The following CREBBP variants were observed in gnomAD, a reference collection of about 807,000 sequenced individuals.
CREBBP encodes CREB binding lysine acetyltransferase, also known as CREB-binding protein.
CREBBP carries 19 observed loss-of-function variants against 265.0 expected under a neutral mutation model. The observed-to-expected ratio is 0.07, with a 90% CI of 0.05 to 0.11. CREBBP has a LOEUF of 0.11. Ranked by LOEUF, CREBBP falls within the 10% of genes least tolerant of loss-of-function variation. CREBBP has a pLI of 1.00. For synonymous variants in CREBBP, 1,457 were observed against 1,223.7 expected (o/e 1.19, Z -3.98); for missense variants, 2,525 against 3,219.0 (o/e 0.78, Z 5.22).
chr16:3,831,686 T>G (rs1327450194), intron 2 of CREBBP, among the ~76,000 whole-genome samples: 1 of 152,142 alleles, frequency 6.6e-6, no homozygotes, highest in Admixed American at 6.6e-5. Context: ...TTATTATAAA[T>G]TCTATCCAAA....
At chr16:3,849,440 T>TG (rs1567360432) in intron 2 of CREBBP, among the ~76,000 whole-genome samples, 180 of 14,878 alleles carry the variant, frequency 0.012, 8 homozygotes, top group Non-Finnish European at 0.039. Context: ...TGTGTGTGTG[T>TG]GTGTGTGTGT....
At chr16:3,787,339 C>T (rs193249250) in intron 5 of CREBBP, among the ~76,000 whole-genome samples, 41 of 152,328 alleles carry the variant, frequency 2.7e-4, no homozygotes, top group African/African-American at 9.6e-4. Flanking sequence ...GGCGCAGTGA[C>T]ACTGCTCCTT....
At chr16:3,740,222 T>C (rs1596813068) in intron 24 of CREBBP, among the ~76,000 whole-genome samples, 177 bp downstream of exon 24, 1 of 152,348 alleles carries the variant, frequency 6.6e-6, no homozygotes, top group East Asian at 1.9e-4. Flanking sequence ...TACTGCACTG[T>C]ATAGGGTAAC....
chr16:3,774,519 T>A, intron 12 of CREBBP, 50 bp downstream of exon 12: 2 of 1,612,354 alleles, frequency 1.2e-6, no homozygotes, highest in South Asian at 2.2e-5. Flanking sequence ...TAGATAATGT[T>A]CCATGTGAGA....
rs370012973 is a variant in CREBBP at position 3,770,782 on chromosome 16, T to A, written c.2668A>T (p.Thr890Ser). 3.1e-6 allele frequency: 5 copies of A among 1,613,308 alleles called. No individual in the cohort carries two copies. Among genetic ancestry groups the A allele is most frequent in the Non-Finnish European group, 2.5e-6 (3 of 1,179,818 alleles). Residue 890 changes from threonine (T) to serine (S), a missense_variant, in exon 14 of 31, where the codon ACT (threonine) becomes TCT (serine). Coordinates refer to ENST00000262367, the MANE Select transcript of CREBBP (RefSeq NM_004380.3). ...GTCTGCCCGGAAGACGACACAGGAG[T>A]TGATGGCTGAGTGGGAGCTGCTGGC... ...PQPAAPTQPS[T>S]PVSSSGQTPT...
rs780758578 is a variant in CREBBP, at chr16:3,729,122, C to T, written c.5925G>A (p.Val1975=). ...CTGGGGGCATGCTGTTGTTGATGTT[C>T]ACCCGGTACAGGTGCTGCTGCTGCT... ...EAQQQQHLYR[V]NINNSMPPGR... Residue 1975 remains valine (V), a synonymous_variant, in exon 31 of 31, where the codon GTG becomes GTA. Transcript: ENST00000262367. 1.9e-6 allele frequency: 3 copies of T among 1,577,752 alleles called. No homozygotes were observed. Among genetic ancestry groups the T allele is most frequent in the Non-Finnish European group, 1.7e-6 (2 of 1,168,140 alleles).
At chr16:3,778,629 C>T (rs767634474) in intron 9 of CREBBP, 71 bp downstream of exon 9, 42 of 1,244,884 alleles carry the variant, frequency 3.4e-5, no homozygotes, top group Non-Finnish European at 4.5e-5. Flanking sequence ...TTCCAGATAA[C>T]AAAGCAGACA....
At chr16:3,871,974 A>C (rs2055309080) in intron 1 of CREBBP, among the ~76,000 whole-genome samples, 1 of 152,206 alleles carries the variant, frequency 6.6e-6, no homozygotes, top group Non-Finnish European at 1.5e-5. Context: ...ATGTAGAATT[A>C]TTTTCCCCAT....
At position 3,728,694 on chromosome 16, in the gene CREBBP, T is replaced by A; in HGVS notation, c.6353A>T (p.Gln2118Leu). 2 of 1,613,934 alleles carry A rather than the reference T, an allele frequency of 1.2e-6. No homozygotes were observed. The highest frequency in any genetic ancestry group is 1.7e-6 in the Non-Finnish European group (2 of 1,179,962). Residue 2118 changes from glutamine to leucine, a missense_variant, in exon 31 of 31, where the codon CAG (glutamine) becomes CTG (leucine). Coordinates refer to ENST00000262367, the MANE Select transcript of CREBBP (RefSeq NM_004380.3). This position sits in a 1 kb window ranked among gnomAD's most constrained non-coding sequence, Gnocchi z 8.7. ...GCCGGGCTGGGACTGGAGGCCAGGC[T>A]GGGGCTGCATGCCGGGCTGATTGGC... is the stretch of plus-strand genomic sequence containing the variant. ...YVANQPGMQP[Q>L]PGLQSQPGMQ... is the part of the protein sequence containing the mutation.
intron 3 of CREBBP, among the ~76,000 whole-genome samples, chr16:3,795,984 C>G (rs937907233): frequency 2.6e-5 from 4 of 152,166 alleles, no homozygotes; most frequent in African/African-American, 9.7e-5. Context: ...GTTCACAAAT[C>G]AGGACCCCAA....
intron 2 of CREBBP, among the ~76,000 whole-genome samples, chr16:3,834,273 C>T (rs891274657): frequency 3.3e-5 from 5 of 152,102 alleles, no homozygotes; most frequent in Non-Finnish European, 7.4e-5. Flanking sequence ...TGGTATTTAC[C>T]CAAAACAGGT....
At chr16:3,879,509 G>A (rs1361329865) in intron 1 of CREBBP, among the ~76,000 whole-genome samples, 2 of 152,234 alleles carry the variant, frequency 1.3e-5, no homozygotes, top group Non-Finnish European at 2.9e-5. Flanking sequence ...CACGGCCGCG[G>A]ATGGATGCGT....
intron 5 of CREBBP, among the ~76,000 whole-genome samples, chr16:3,788,033 TGAAGCAGTG>T (rs1410603345): frequency 1.3e-5 from 2 of 152,146 alleles, no homozygotes; most frequent in Non-Finnish European, 2.9e-5. Context: ...TGTTGCCAGG[TGAAGCAGTG>T]GGAGCTACAC....
intron 3 of CREBBP, among the ~76,000 whole-genome samples, chr16:3,807,338 T>C (rs560837646): frequency 2.0e-5 from 3 of 152,210 alleles, no homozygotes; most frequent in Non-Finnish European, 4.4e-5. Flanking sequence ...ACTGGAGTCC[T>C]GACTGGGATT....
In CREBBP at chr16:3,854,955, C is replaced by T. The variant is rs550814717; in HGVS notation, c.86-3946G>A. ...TTGCAGACGAAATAACACTGTTCTC[C>T]TAAGTACTTCAGTACGTATCTCCTA... is the stretch of plus-strand genomic sequence containing the variant. On this transcript the variant is annotated intron_variant, in intron 1 of 30. Transcript: ENST00000262367. Among the ~76,000 whole-genome samples the T allele has an allele frequency of 8.5e-5, 13 of 152,310 alleles. No homozygotes were observed. The South Asian group carries it at 2.7e-3, about 32-fold the overall frequency.
chr16:3,773,655 T>C, intron 13 of CREBBP, 96 bp downstream of exon 13: 1 of 1,333,978 alleles, frequency 7.5e-7, no homozygotes. Flanking sequence ...CATTCTGGAA[T>C]TTTAATTTCC....
chr16:3,790,251 T>C (rs1241219210), intron 5 of CREBBP, among the ~76,000 whole-genome samples: 1 of 152,108 alleles, frequency 6.6e-6, no homozygotes, highest in Non-Finnish European at 1.5e-5. Context: ...TATCTGGTTC[T>C]AGAAGACCCA....
intron 1 of CREBBP, among the ~76,000 whole-genome samples, chr16:3,861,631 T>C (rs1190149451): frequency 6.1e-5 from 6 of 97,664 alleles, no homozygotes; most frequent in Non-Finnish European, 8.2e-5. Context: ...CAAATAAATA[T>C]AATGGAACAA....
intron 1 of CREBBP, among the ~76,000 whole-genome samples, chr16:3,878,574 G>T (rs993917022): frequency 5.3e-5 from 8 of 152,148 alleles, no homozygotes; most frequent in Non-Finnish European, 8.8e-5. Context: ...TTCAGGTTTT[G>T]TTTCAACAGC....
Sources: gnomAD v4.1 joint callset for allele counts (sites outside exome capture counted in the v4.1 genomes callset) on GRCh38, gnomAD v4.1.1 for gene constraint, Gnocchi (gnomAD v3.1) non-coding constraint, MANE v1.5 for transcripts, NCBI Gene and HGNC (gene_info 2026-07-23, HGNC 2026-07-21) for gene names.